The following HAO1 variants were observed in gnomAD, a reference collection of about 807,000 sequenced individuals.
HAO1 encodes the protein 2-Hydroxyacid oxidase 1.
A neutral mutation model predicts 39.7 loss-of-function variants in HAO1; 34 were observed. The observed-to-expected ratio is 0.86, with a 90% CI of 0.65 to 1.14. The LOEUF (loss-of-function observed/expected upper bound fraction) is 1.14, where lower values mean the gene tolerates loss of function less well. Ranked by LOEUF, HAO1 falls within the 50% of genes most tolerant of loss-of-function variation. HAO1 has a pLI of 0.00. For missense variants in HAO1, 479 were observed against 464.5 expected, an observed-to-expected ratio of 1.03 and a Z score of -0.29; for synonymous variants, 172 against 173.2, an observed-to-expected ratio of 0.99 and a Z score of 0.05.
Position 7,934,582 on chromosome 20 carries a change from G to A in HAO1, c.191C>T (p.Thr64Ile), listed in dbSNP as rs747861041. ...LRNVAETDLS[T>I]SVLGQRVSMP... is the part of the protein sequence containing the mutation. ...GCTGACCCTCTGTCCTAAAACAGAA[G>A]TCGACAGATCTGTTTCAGCAACATT... Residue 64 changes from threonine (T) to isoleucine (I), a missense_variant, in exon 2 of 8, where the codon ACT becomes ATT. Coordinates refer to ENST00000378789, the MANE Select transcript of HAO1 (RefSeq NM_017545.3). 6.2e-7 allele frequency: 1 copy of A among 1,609,740 alleles called. No homozygotes were observed. Among genetic ancestry groups the A allele is most frequent in the Non-Finnish European group, 8.5e-7 (1 of 1,176,158 alleles).
At chr20:7,912,551 C>G (rs1002405500) in intron 3 of HAO1, among the ~76,000 whole-genome samples, 2 of 148,530 alleles carry the variant, frequency 1.3e-5, no homozygotes, top group Admixed American at 6.8e-5. Flanking sequence ...TAAGAAGCCT[C>G]GATAGTGGGA....
chr20:7,895,818 C>CG (rs1392297964), intron 4 of HAO1, among the ~76,000 whole-genome samples: 1 of 152,046 alleles, frequency 6.6e-6, no homozygotes, highest in Non-Finnish European at 1.5e-5. Flanking sequence ...GAGGCCAAGG[C>CG]GGGCAGATCA....
Position 7,885,683 on chromosome 20 carries a change from TATTC to T in HAO1, c.972+19_972+22del. 6.3e-7 allele frequency: 1 copy of T among 1,597,340 alleles called. No individual in the cohort carries two copies. Among genetic ancestry groups the T allele is most frequent in the East Asian group, 2.2e-5 (1 of 44,732 alleles). On this transcript the variant is annotated intron_variant, in intron 6 of 7. Transcript: ENST00000378789. Reference sequence around the variant, plus strand: ...TTACTGTCAAGTTGTCTATTTTATATATTCATTTCTTTGTCCAGTTACCTGGAAA... The same window carrying T: ...TTACTGTCAAGTTGTCTATTTTATATATTTCTTTGTCCAGTTACCTGGAAA...
intron 4 of HAO1, among the ~76,000 whole-genome samples, chr20:7,896,196 A>G (rs2050196867): frequency 6.6e-6 from 1 of 152,254 alleles, no homozygotes; most frequent in African/African-American, 2.4e-5. Flanking sequence ...ATTTAAAAAC[A>G]TATTTTATAT....
chr20:7,898,213 C>T (rs1433333961), intron 4 of HAO1, among the ~76,000 whole-genome samples: 1 of 152,138 alleles, frequency 6.6e-6, no homozygotes, highest in African/African-American at 2.4e-5. Flanking sequence ...CCTTGCGTTT[C>T]GTCTTCACTA....
intron 1 of HAO1, among the ~76,000 whole-genome samples, chr20:7,938,607 A>G (rs1338405674): frequency 6.6e-6 from 1 of 152,150 alleles, no homozygotes; most frequent in Non-Finnish European, 1.5e-5. Context: ...AAGTTTCTAC[A>G]TTTTAAAGGG....
intron 3 of HAO1, among the ~76,000 whole-genome samples, chr20:7,910,880 T>C (rs573601280): frequency 6.6e-6 from 1 of 152,290 alleles, no homozygotes; most frequent in Non-Finnish European, 1.5e-5. Flanking sequence ...CTGACCTCTC[T>C]CCCCTGCCCC....
intron 2 of HAO1, among the ~76,000 whole-genome samples, chr20:7,924,490 T>C (rs2050350149): frequency 6.6e-6 from 1 of 151,924 alleles, no homozygotes; most frequent in Admixed American, 6.6e-5. Flanking sequence ...AGGAAGGGAA[T>C]TATAATATAT....
intron 1 of HAO1, 52 bp downstream of exon 1, chr20:7,940,234 T>C: frequency 7.0e-7 from 1 of 1,430,620 alleles, no homozygotes; most frequent in Non-Finnish European, 9.6e-7. Flanking sequence ...CTTATTTTGG[T>C]ACGGTCTTTG....
chr20:7,925,013 T>C (rs1319160871), intron 2 of HAO1, among the ~76,000 whole-genome samples: 1 of 152,184 alleles, frequency 6.6e-6, no homozygotes, highest in East Asian at 1.9e-4. Flanking sequence ...CTGTGCACCA[T>C]AATGTCCATT....
intron 5 of HAO1, among the ~76,000 whole-genome samples, chr20:7,890,453 A>G (rs2050169324): frequency 6.6e-6 from 1 of 152,136 alleles, no homozygotes; most frequent in African/African-American, 2.4e-5. Context: ...ACCTCAGGTG[A>G]TCTGCCCGTC....
rs1320448946 is a variant in HAO1, at chr20:7,914,382, G to A, written c.327C>T (p.Ser109=). 1.2e-6 allele frequency: 2 copies of A among 1,613,794 alleles called. No individual in the cohort carries two copies. The highest frequency in any genetic ancestry group is 2.7e-5 in the African/African-American group (2 of 74,896). Reference sequence around the variant, plus strand: ...CTTCTTCAATTGAGGAGGTGGCCCAGGAACTCAACATCATGCCCGTTCCCA... The same window carrying A: ...CTTCTTCAATTGAGGAGGTGGCCCAAGAACTCAACATCATGCCCGTTCCCA... The part of the protein sequence containing the change: ...QSLGTGMMLS[S]WATSSIEEVA... Residue 109 remains serine (S), a synonymous_variant, in exon 3 of 8, where the codon TCC becomes TCT. Transcript: ENST00000378789.
chr20:7,928,937 G>A (rs544807526), intron 2 of HAO1, among the ~76,000 whole-genome samples: 2 of 152,230 alleles, frequency 1.3e-5, no homozygotes, highest in South Asian at 2.1e-4. Flanking sequence ...AATTTTGGAA[G>A]ATTTGGCAAC....
intron 2 of HAO1, among the ~76,000 whole-genome samples, chr20:7,919,260 T>G (rs1372600211): frequency 6.6e-6 from 1 of 152,212 alleles, no homozygotes; most frequent in African/African-American, 2.4e-5. Context: ...GACTCTCTTC[T>G]CTTACTCACT....
chr20:7,930,210 A>G (rs1352388648), intron 2 of HAO1, among the ~76,000 whole-genome samples: 1 of 152,144 alleles, frequency 6.6e-6, no homozygotes, highest in African/African-American at 2.4e-5. Flanking sequence ...CCCTGGAGAC[A>G]GGAATGCTTA....
intron 5 of HAO1, 141 bp from the exon 6 acceptor site, chr20:7,886,005 T>G (rs908067267): frequency 1.6e-6 from 1 of 622,186 alleles, no homozygotes; most frequent in Non-Finnish European, 2.8e-6. Context: ...GTAAAATTAT[T>G]TCCTTCTCAA....
chr20:7,903,810 G>A (rs1007628746), intron 4 of HAO1, among the ~76,000 whole-genome samples: 4 of 146,982 alleles, frequency 2.7e-5, no homozygotes, highest in African/African-American at 1.0e-4. Context: ...CAGTGGTGGT[G>A]GGTGGCAGCA....
chr20:7,934,735 G>T lies in HAO1; in HGVS notation c.138-100C>A, dbSNP rs184860179. 7.5e-3 allele frequency: 5,365 copies of T among 718,742 alleles called. 32 individuals carry two copies. Among genetic ancestry groups the T allele is most frequent in the Non-Finnish European group, 9.2e-3 (4,349 of 472,426 alleles). 44.5% of individuals were successfully genotyped at this position (718,742 alleles called of 1,614,324 possible). On this transcript the variant is annotated intron_variant, in intron 1 of 7. Transcript: ENST00000378789. ...TTAGTTAAAAGAAAAAATATAATTG[G>T]ATTTTTTCCAAACAAGCAAATGACT...
chr20:7,900,430 C>T (rs1472064271), intron 4 of HAO1, among the ~76,000 whole-genome samples: 2 of 152,122 alleles, frequency 1.3e-5, no homozygotes, highest in African/African-American at 2.4e-5. Flanking sequence ...AGTGTATCAG[C>T]ACTATTTTTC....
Sources: gnomAD v4.1 joint callset for allele counts (sites outside exome capture counted in the v4.1 genomes callset) on GRCh38, gnomAD v4.1.1 for gene constraint, MANE v1.5 for transcripts, NCBI Gene and HGNC (gene_info 2026-07-23, HGNC 2026-07-21) for gene names.